Variants in PCDHGA4 observed in about 807,000 individuals in gnomAD.
The protein encoded by PCDHGA4 is protocadherin gamma subfamily A, 4.
Under a neutral mutation model 54.6 loss-of-function variants are expected in PCDHGA4, and 38 were observed. The observed-to-expected ratio is 0.70, with a 90% CI of 0.54 to 0.91. The LOEUF is 0.91. Ranked by LOEUF, PCDHGA4 falls within the 40% of genes least tolerant of loss-of-function variation. The pLI, the probability that PCDHGA4 is intolerant of heterozygous loss-of-function variation, is 0.00. For missense variants in PCDHGA4, 1,298 were observed against 1,220.9 expected (o/e 1.06, Z -0.94); for synonymous variants, 511 against 512.9 (o/e 1.00, Z 0.05).
chr5:141,500,883 T>G (rs1250275850), intron 2 of PCDHGA4, among the ~76,000 whole-genome samples: 2 of 97,532 alleles, frequency 2.1e-5, no homozygotes, highest in African/African-American at 1.2e-4. Context: ...TACAATTTTT[T>G]TTTTTTGAGA....
chr5:141,506,280 C>CT (rs1455257972), intron 3 of PCDHGA4, among the ~76,000 whole-genome samples: 1 of 152,024 alleles, frequency 6.6e-6, no homozygotes, highest in Non-Finnish European at 1.5e-5. Flanking sequence ...GAAACCCTGT[C>CT]TCTACTAAAA....
intron 1 of PCDHGA4, among the ~76,000 whole-genome samples, chr5:141,446,777 C>CTT (rs1480571336): frequency 1.3e-5 from 2 of 152,072 alleles, no homozygotes; most frequent in Non-Finnish European, 2.9e-5. Flanking sequence ...GGTTACCATT[C>CTT]TTTTACTCTG....
chr5:141,479,838 C>T (rs539142918), intron 1 of PCDHGA4, among the ~76,000 whole-genome samples: 1 of 152,298 alleles, frequency 6.6e-6, no homozygotes, highest in African/African-American at 2.4e-5. Context: ...GGTATCCATG[C>T]AAGGTGACTG....
chr5:141,507,915 G>A (rs1324577269), intron 3 of PCDHGA4, among the ~76,000 whole-genome samples: 2 of 152,224 alleles, frequency 1.3e-5, no homozygotes, highest in African/African-American at 4.8e-5. Flanking sequence ...AGCCAGGCCT[G>A]TGGGGCTGCT....
At chr5:141,457,230 A>G (rs1248092452) in intron 1 of PCDHGA4, among the ~76,000 whole-genome samples, 2 of 152,174 alleles carry the variant, frequency 1.3e-5, no homozygotes, top group African/African-American at 4.8e-5. Flanking sequence ...GGTAATTTCC[A>G]TCTAAAATTT....
At chr5:141,397,027 G>A (rs1374788251) in intron 1 of PCDHGA4, among the ~76,000 whole-genome samples, 1 of 152,200 alleles carries the variant, frequency 6.6e-6, no homozygotes, top group Non-Finnish European at 1.5e-5. Flanking sequence ...GTTGACCAAT[G>A]TCCACAAATT....
intron 1 of PCDHGA4, chr5:141,374,380 C>T (rs1263045322): frequency 1.2e-6 from 2 of 1,613,894 alleles, no homozygotes; most frequent in Non-Finnish European, 1.7e-6. Context: ...GTGCTCAGAG[C>T]CCGCGGTGTC....
At position 141,356,905 on chromosome 5, in the gene PCDHGA4, A is replaced by T. The variant is rs542271225; in HGVS notation, c.1798A>T (p.Thr600Ser). 1 of 1,614,012 alleles carries T rather than the reference A, an allele frequency of 6.2e-7. No individual in the cohort carries two copies. Among genetic ancestry groups the T allele is most frequent in the African/African-American group, 1.3e-5 (1 of 74,990 alleles). ...TGAGATCCTGTACCCCACCTTCCCT[A>T]CTGATGGCTCCACTGGTGTGGAGCT... ...VPEILYPTFPTDGSTGVELAP... is the reference protein window; with the variant it reads ...VPEILYPTFPSDGSTGVELAP... The change falls in exon 1 of 4, where the codon ACT becomes TCT. Residue 600 changes from threonine to serine, a missense_variant. Coordinates refer to ENST00000571252, the MANE Select transcript of PCDHGA4 (RefSeq NM_018917.4).
chr5:141,475,947 C>A, intron 1 of PCDHGA4: 1 of 748,120 alleles, frequency 1.3e-6, no homozygotes, highest in Non-Finnish European at 2.1e-6. Context: ...CGTCCCCTTT[C>A]TGCGCCCCGG....
rs755130135 is a variant in PCDHGA4 at position 141,431,477 on chromosome 5, C to A, written c.2515-63330C>A. On this transcript the variant is annotated intron_variant, in intron 1 of 3. Coordinates refer to ENST00000571252, the MANE Select transcript of PCDHGA4 (RefSeq NM_018917.4). The surrounding 1 kb of genome is among the most constrained non-coding windows in gnomAD (Gnocchi z 4.8). ...GGTTCTGGATGCGAACGACAACGCA[C>A]CAGCGTTTGCTCAGCCCGAGTACCG... is the stretch of plus-strand genomic sequence containing the variant. 40 of 1,613,768 alleles carry A rather than the reference C, an allele frequency of 2.5e-5. No individual in the cohort carries two copies. The highest frequency in any genetic ancestry group is 3.3e-5 in the Admixed American group (2 of 60,008).
At chr5:141,371,214 A>G in intron 1 of PCDHGA4, 1 of 1,614,052 alleles carries the variant, frequency 6.2e-7, no homozygotes, top group Non-Finnish European at 8.5e-7. Context: ...TGAGGGCATC[A>G]ATGCCGAAAT....
At chr5:141,371,541 C>G in intron 1 of PCDHGA4, 1 of 1,613,764 alleles carries the variant, frequency 6.2e-7, no homozygotes, top group Non-Finnish European at 8.5e-7. Flanking sequence ...TGGAGAAATC[C>G]TATGCCAACT....
chr5:141,404,517 A>G lies in PCDHGA4; in HGVS notation c.2514+46896A>G, dbSNP rs1268035794. On this transcript the variant is annotated intron_variant, in intron 1 of 3. Transcript: ENST00000571252. The stretch of plus-strand genomic sequence containing the variant: ...CTGTATGCTCTGTGCTCCTTTGACT[A>G]TGAGCAGTTTAGAGATTTGCAAATG... 5 of 1,613,938 alleles carry G rather than the reference A, an allele frequency of 3.1e-6. No homozygotes were observed. Among genetic ancestry groups the G allele is most frequent in the Non-Finnish European group, 3.4e-6 (4 of 1,179,844 alleles).
At position 141,493,412 on chromosome 5, in the gene PCDHGA4, G is replaced by A. The variant is rs1288041038; in HGVS notation, c.2515-1395G>A. Among the ~76,000 whole-genome samples, 3 of 152,114 alleles carry A rather than the reference G, an allele frequency of 2.0e-5. No individual in the cohort carries two copies. The highest frequency in any genetic ancestry group is 4.4e-5 in the Non-Finnish European group (3 of 68,024). On this transcript the variant is annotated intron_variant, in intron 1 of 3. Coordinates refer to ENST00000571252, the MANE Select transcript of PCDHGA4 (RefSeq NM_018917.4). This position sits in a 1 kb window ranked among gnomAD's most constrained non-coding sequence, Gnocchi z 4.3. ...CAGGAGAGGGGAGTTGCCTCTGCTG[G>A]GATTTTGCTTCTGCTGGGATGGGGC...
chr5:141,456,735 C>T (rs568353480), intron 1 of PCDHGA4, among the ~76,000 whole-genome samples: 8 of 152,216 alleles, frequency 5.3e-5, no homozygotes, highest in East Asian at 3.9e-4. Context: ...GAGGCTGAGG[C>T]GGGAGCATCA....
At chr5:141,426,514 G>A (rs867794856) in intron 1 of PCDHGA4, 22 of 340,738 alleles carry the variant, frequency 6.5e-5, no homozygotes, top group Non-Finnish European at 8.2e-5. Context: ...ATACTTTACC[G>A]TGAACACGGA....
chr5:141,375,832 G>T, intron 1 of PCDHGA4: 1 of 1,614,146 alleles, frequency 6.2e-7, no homozygotes, highest in Non-Finnish European at 8.5e-7. Flanking sequence ...GCTCCGCAGA[G>T]CCCGGCTACC....
chr5:141,398,829 C>G (rs1020690994), intron 1 of PCDHGA4: 2 of 1,613,876 alleles, frequency 1.2e-6, no homozygotes, highest in African/African-American at 1.3e-5. Context: ...AGGTAACCGA[C>G]GCCAATGATA....
chr5:141,431,206 G>A lies in PCDHGA4; in HGVS notation c.2515-63601G>A, dbSNP rs17097300. On this transcript the variant is annotated intron_variant, in intron 1 of 3. Coordinates refer to ENST00000571252, the MANE Select transcript of PCDHGA4 (RefSeq NM_018917.4). The surrounding 1 kb of genome is among the most constrained non-coding windows in gnomAD (Gnocchi z 4.8). ...AAATTAGTGAAAATGCAGCCACTGA[G>A]ATGCGGTTCCCTCTACCCCACGCCT... The A allele has an allele frequency of 0.041, 66,767 of 1,614,172 alleles. 3,763 individuals carry two copies. Among genetic ancestry groups the A allele is most frequent in the Admixed American group, 0.27 (16,026 of 60,028 alleles).
Sources: allele counts gnomAD v4.1 joint callset (sites outside exome capture counted in the v4.1 genomes callset), GRCh38; gene constraint gnomAD v4.1.1; non-coding constraint Gnocchi (gnomAD v3.1); transcripts MANE v1.5; gene names NCBI Gene and HGNC (gene_info 2026-07-23, HGNC 2026-07-21).